The following MYO16 variants were observed in gnomAD, a reference collection of about 807,000 sequenced individuals.
MYO16 encodes unconventional myosin-XVI.
In MYO16, 94 loss-of-function variants were observed where a neutral mutation model predicts 205.3. The observed-to-expected ratio is 0.46, with a 90% CI of 0.39 to 0.54. The LOEUF (loss-of-function observed/expected upper bound fraction) is 0.54. MYO16 is among the 20% of genes least tolerant of loss of function. MYO16 has a pLI of 0.00. For missense variants in MYO16, 2,315 were observed against 2,387.5 expected, an observed-to-expected ratio of 0.97 and a Z score of 0.63; for synonymous variants, 988 against 954.0, an observed-to-expected ratio of 1.04 and a Z score of -0.66.
At chr13:108,664,442 A>G (rs1227678653) in intron 1 of MYO16, among the ~76,000 whole-genome samples, 1 of 152,172 alleles carries the variant, frequency 6.6e-6, no homozygotes, top group African/African-American at 2.4e-5. Flanking sequence ...CTAAACAGGG[A>G]TGTTTATGCT....
chr13:109,033,869 A>T (rs9521136), intron 23 of MYO16, among the ~76,000 whole-genome samples: 10,181 of 152,184 alleles, frequency 0.067, 501 homozygotes, highest in African/African-American at 0.13. Context: ...CAAAAATGGA[A>T]TCAGGGAGGA....
chr13:108,804,089 A>G lies in MYO16; in HGVS notation c.742-2590A>G, dbSNP rs372897208. On this transcript the variant is annotated intron_variant, in intron 6 of 34. Transcript: ENST00000457511. ...GCTGCAGAGCGTGGCTTCGGATCTCAGTAACCATGCTTCTTCCTTGGGCCA... is the reference window on the plus strand; with the variant it reads ...GCTGCAGAGCGTGGCTTCGGATCTCGGTAACCATGCTTCTTCCTTGGGCCA... 1.4e-4 allele frequency among the ~76,000 whole-genome samples: 22 copies of G among 152,310 alleles called. No homozygotes were observed. In the South Asian group the frequency reaches 2.9e-3, roughly 20 times the overall value.
chr13:108,793,304 AACAT>A (rs1886678281), intron 5 of MYO16, among the ~76,000 whole-genome samples: 1 of 152,036 alleles, frequency 6.6e-6, no homozygotes, highest in Non-Finnish European at 1.5e-5. Context: ...AAAAAAAAAA[AACAT>A]AACAAGAGAT....
the MYO16 span, among the ~76,000 whole-genome samples, chr13:108,589,042 T>G: frequency 6.6e-6 from 1 of 152,202 alleles, no homozygotes; most frequent in African/African-American, 2.4e-5. Flanking sequence ...ATTAGAATGG[T>G]ATTTCAAGGA....
intron 3 of MYO16, among the ~76,000 whole-genome samples, chr13:108,722,243 G>A (rs1884190952): frequency 6.6e-6 from 1 of 152,092 alleles, no homozygotes; most frequent in Non-Finnish European, 1.5e-5. Context: ...CACTTTCTTG[G>A]TGCCATAAAG....
chr13:108,516,466 G>T, the MYO16 span, among the ~76,000 whole-genome samples: 1 of 152,138 alleles, frequency 6.6e-6, no homozygotes, highest in Non-Finnish European at 1.5e-5. Flanking sequence ...GCTGTAGACC[G>T]GAGCTGTTCC....
chr13:108,595,827 C>T (rs561904923), upstream of MYO16, among the ~76,000 whole-genome samples: 3 of 145,576 alleles, frequency 2.1e-5, no homozygotes, highest in South Asian at 6.6e-4. Context: ...AGTGGTTTTA[C>T]AGAAAAAAAG....
chr13:108,628,751 A>G (rs1388639429), upstream of MYO16, among the ~76,000 whole-genome samples: 1 of 152,210 alleles, frequency 6.6e-6, no homozygotes, highest in Non-Finnish European at 1.5e-5. Context: ...ATACAAAATT[A>G]TGTTACTGCC....
intron 1 of MYO16, among the ~76,000 whole-genome samples, chr13:108,608,871 C>A (rs144771722): frequency 6.6e-6 from 1 of 152,066 alleles, no homozygotes; most frequent in African/African-American, 2.4e-5. Context: ...CCCAAACACC[C>A]GACCTCAGGG....
intron 27 of MYO16, among the ~76,000 whole-genome samples, chr13:109,092,846 T>C (rs1888664059): frequency 6.6e-6 from 1 of 152,250 alleles, no homozygotes; most frequent in South Asian, 2.1e-4. Flanking sequence ...GAACAATCAC[T>C]TTTGAAGAGA....
chr13:108,640,121 G>A (rs1233159589), intron 1 of MYO16, among the ~76,000 whole-genome samples: 6 of 152,194 alleles, frequency 3.9e-5, no homozygotes, highest in Admixed American at 2.6e-4. Flanking sequence ...AGGAGGAAAG[G>A]AAATAGGTGA....
intron 10 of MYO16, among the ~76,000 whole-genome samples, chr13:108,854,556 T>C (rs966629650): frequency 1.3e-5 from 2 of 152,110 alleles, no homozygotes; most frequent in Non-Finnish European, 2.9e-5. Context: ...AATGCAAATA[T>C]AGACTACAAA....
chr13:108,784,022 G>T (rs1344910668), intron 4 of MYO16, among the ~76,000 whole-genome samples: 1 of 152,146 alleles, frequency 6.6e-6, no homozygotes. Flanking sequence ...CCATGTTATG[G>T]CTACATGGCT....
At chr13:108,932,561 C>T (rs1011401844) in intron 16 of MYO16, among the ~76,000 whole-genome samples, 3 of 152,128 alleles carry the variant, frequency 2.0e-5, no homozygotes, top group Non-Finnish European at 2.9e-5. Flanking sequence ...GATCAGGTGA[C>T]GTGTGCAGTC....
At chr13:108,668,082 G>A (rs891848979) in intron 2 of MYO16, among the ~76,000 whole-genome samples, 1 of 152,146 alleles carries the variant, frequency 6.6e-6, no homozygotes, top group African/African-American at 2.4e-5. Context: ...AAAATTTCTT[G>A]TACCAAATAT....
At position 108,734,710 on chromosome 13, in the gene MYO16, C is replaced by A. The variant is rs147393543; in HGVS notation, c.507+7127C>A. On this transcript the variant is annotated intron_variant, in intron 4 of 34. Transcript: ENST00000457511. ...AATGCTGCCGCCACCCACTGCTTGG[C>A]AGCATGGCACCAGGGCACTCAGAAT... Among the ~76,000 whole-genome samples the A allele has an allele frequency of 1.9e-3, 297 of 152,358 alleles. 2 individuals carry two copies. Among genetic ancestry groups the A allele is most frequent in the South Asian group, 8.1e-3 (39 of 4,830 alleles).
intron 14 of MYO16, among the ~76,000 whole-genome samples, chr13:108,889,042 A>C (rs909722757): frequency 1.3e-5 from 2 of 151,464 alleles, no homozygotes; most frequent in Admixed American, 6.6e-5. Flanking sequence ...CAAGAGCAAA[A>C]CTCTGTCTCA....
intron 16 of MYO16, among the ~76,000 whole-genome samples, chr13:108,942,510 A>C (rs1882773555): frequency 6.6e-6 from 1 of 152,198 alleles, no homozygotes; most frequent in African/African-American, 2.4e-5. Flanking sequence ...TTTAAAAAAA[A>C]CTCATATTTT....
At chr13:108,926,652 T>A (rs1282540023) in intron 16 of MYO16, among the ~76,000 whole-genome samples, 1 of 151,946 alleles carries the variant, frequency 6.6e-6, no homozygotes, top group Non-Finnish European at 1.5e-5. Flanking sequence ...CAGGCTAACA[T>A]GGAAAAGGAG....
Sources: gnomAD v4.1 joint callset for allele counts (sites outside exome capture counted in the v4.1 genomes callset) on GRCh38, gnomAD v4.1.1 for gene constraint, MANE v1.5 for transcripts, NCBI Gene and HGNC (gene_info 2026-07-23, HGNC 2026-07-21) for gene names.